The following CWC27 variants were observed in gnomAD, a reference collection of about 807,000 sequenced individuals.
CWC27 encodes spliceosome-associated protein CWC27 homolog.
CWC27 carries 47 observed loss-of-function variants against 63.6 expected under a neutral mutation model. The ratio of observed to expected loss-of-function variants is 0.74; its 90% CI spans 0.58 to 0.94. CWC27 has a LOEUF of 0.94. CWC27 is among the 40% of genes least tolerant of loss of function. The pLI is 0.00. For missense variants in CWC27, 495 were observed against 554.3 expected (o/e 0.89, Z 1.07); for synonymous variants, 175 against 179.8 (o/e 0.97, Z 0.22).
chr5:64,916,638 C>T (rs1221521540), intron 11 of CWC27, among the ~76,000 whole-genome samples: 1 of 152,078 alleles, frequency 6.6e-6, no homozygotes, highest in Admixed American at 6.6e-5. Context: ...ACACCCAGCT[C>T]CCCAGAGACA....
intron 10 of CWC27, among the ~76,000 whole-genome samples, chr5:64,847,468 T>C (rs1371850102): frequency 1.3e-5 from 2 of 152,144 alleles, no homozygotes; most frequent in Non-Finnish European, 2.9e-5. Context: ...CTTTCAAAAA[T>C]GGACAGATTA....
chr5:64,884,867 C>T (rs1254755852), intron 10 of CWC27, among the ~76,000 whole-genome samples: 5 of 151,108 alleles, frequency 3.3e-5, no homozygotes, highest in Non-Finnish European at 7.4e-5. Flanking sequence ...ATCATCAGAC[C>T]TCACCCTGGT....
chr5:64,830,136 A>G (rs1258581981), intron 10 of CWC27, among the ~76,000 whole-genome samples: 1 of 149,144 alleles, frequency 6.7e-6, no homozygotes, highest in Non-Finnish European at 1.5e-5. Flanking sequence ...TTAACTCGTC[A>G]TTTACATTAG....
intron 11 of CWC27, among the ~76,000 whole-genome samples, chr5:64,937,860 T>C (rs2112410381): frequency 6.6e-6 from 1 of 152,182 alleles, no homozygotes. Context: ...CCCTTCTTTG[T>C]CTTTTTTGAT....
chr5:64,953,740 C>G (rs1240912819), intron 11 of CWC27, among the ~76,000 whole-genome samples: 2 of 152,030 alleles, frequency 1.3e-5, no homozygotes, highest in Non-Finnish European at 2.9e-5. Context: ...ATACAGAGTT[C>G]AGGGACTTTT....
intron 11 of CWC27, among the ~76,000 whole-genome samples, chr5:64,892,552 G>GT (rs1254576318): frequency 5.3e-5 from 8 of 151,952 alleles, no homozygotes; most frequent in Non-Finnish European, 1.2e-4. Flanking sequence ...AAACACACGT[G>GT]TTTTTTTCCC....
chr5:64,971,603 C>T lies in CWC27; in HGVS notation c.1043-100C>T, dbSNP rs1049683478. 17 of 867,288 alleles carry T rather than the reference C, an allele frequency of 2.0e-5. No homozygotes were observed. The African/African-American group carries it at 2.1e-4, about 11-fold the overall frequency. 53.7% of individuals were successfully genotyped at this position (867,288 alleles called of 1,614,324 possible). A position where few individuals can be genotyped will look rare whatever the true frequency, so the allele number is the denominator to read the frequency against. The stretch of plus-strand genomic sequence containing the variant: ...AAATTAAATGGTGAAAAAGCAAGCC[C>T]AAGTGCCAACCTCCTCTTCAGCAAC... On this transcript the variant is annotated intron_variant, in intron 11 of 13. Coordinates refer to ENST00000381070, the MANE Select transcript of CWC27 (RefSeq NM_005869.4).
At chr5:64,827,656 T>C (rs1417803528) in intron 10 of CWC27, among the ~76,000 whole-genome samples, 1 of 152,146 alleles carries the variant, frequency 6.6e-6, no homozygotes, top group Non-Finnish European at 1.5e-5. Context: ...TATGAATTAG[T>C]AGGCATTTAA....
chr5:64,807,841 C>A lies in CWC27; in HGVS notation c.938+3455C>A, dbSNP rs961744419. On this transcript the variant is annotated intron_variant, in intron 10 of 13. Coordinates refer to ENST00000381070, the MANE Select transcript of CWC27 (RefSeq NM_005869.4). ...TCTTCAACCCGTATTTCTTTCTCTTCCCCGCTTCGAGAGTAAAAACTAACA... is the reference window on the plus strand; with the variant it reads ...TCTTCAACCCGTATTTCTTTCTCTTACCCGCTTCGAGAGTAAAAACTAACA... The A allele has an allele frequency of 3.3e-6, 5 of 1,526,004 alleles. No homozygotes were observed. In the African/African-American group the frequency reaches 5.5e-5, roughly 17 times the overall value. 94.5% of individuals were successfully genotyped at this position (1,526,004 alleles called of 1,614,324 possible).
intron 10 of CWC27, among the ~76,000 whole-genome samples, chr5:64,837,860 A>G (rs1745697286): frequency 2.0e-5 from 3 of 152,166 alleles, no homozygotes; most frequent in African/African-American, 7.2e-5. Flanking sequence ...AACTTTTCAT[A>G]GTATTTCCTT....
At chr5:64,939,638 G>T (rs545095170) in intron 11 of CWC27, among the ~76,000 whole-genome samples, 1 of 152,366 alleles carries the variant, frequency 6.6e-6, no homozygotes, top group East Asian at 1.9e-4. Flanking sequence ...AGCAGAGCTC[G>T]AGTGCTGTGC....
chr5:64,779,226 T>C lies in CWC27; in HGVS notation c.140-2695T>C, dbSNP rs10074144. On this transcript the variant is annotated intron_variant, in intron 2 of 13. Coordinates refer to ENST00000381070, the MANE Select transcript of CWC27 (RefSeq NM_005869.4). ...TATGTCAAGAAATCTGGTGAAATCT[T>C]TAGGGAAGCTCAGTGAAATCTTTAG... is the stretch of plus-strand genomic sequence containing the variant. Among the ~76,000 whole-genome samples the C allele has an allele frequency of 9.9e-3, 1,508 of 152,272 alleles. 34 individuals are homozygous for C. Among genetic ancestry groups the C allele is most frequent in the African/African-American group, 0.035 (1,452 of 41,542 alleles).
At chr5:64,787,134 C>G (rs1486837193) in intron 6 of CWC27, among the ~76,000 whole-genome samples, 1 of 152,156 alleles carries the variant, frequency 6.6e-6, no homozygotes, top group African/African-American at 2.4e-5. Flanking sequence ...TCACCTCCCA[C>G]TAGGGTCCCT....
At position 64,803,977 on chromosome 5, in the gene CWC27, G is replaced by A. The variant is rs1580619527; in HGVS notation, c.781-252G>A. On this transcript the variant is annotated intron_variant, in intron 9 of 13. Transcript: ENST00000381070. ...AGGGAGAAGTCTGCTGCACAAAGGA[G>A]CTGGGCATGAGTTGAGCGAACAGCC... is the stretch of plus-strand genomic sequence containing the variant. Among the ~76,000 whole-genome samples, 2 of 152,074 alleles carry A rather than the reference G, an allele frequency of 1.3e-5. 1 individual carries two copies. Among genetic ancestry groups the A allele is most frequent in the East Asian group, 3.9e-4 (2 of 5,184 alleles).
chr5:65,012,582 T>C (rs1345511002), intron 13 of CWC27, among the ~76,000 whole-genome samples: 2 of 152,248 alleles, frequency 1.3e-5, no homozygotes, highest in African/African-American at 2.4e-5. Flanking sequence ...TGTCCAGCGT[T>C]GGCAGCATGC....
chr5:64,977,104 A>G (rs1467447521), intron 12 of CWC27, 31 bp from the exon 13 acceptor site: 1 of 1,281,308 alleles, frequency 7.8e-7, no homozygotes, highest in Non-Finnish European at 1.1e-6. Flanking sequence ...TATCTTTATC[A>G]GAAAACTTAG....
chr5:64,901,374 C>T (rs1015433465), intron 11 of CWC27, among the ~76,000 whole-genome samples: 3 of 150,376 alleles, frequency 2.0e-5, no homozygotes, highest in Admixed American at 6.7e-5. Flanking sequence ...GGCAGAATGG[C>T]GTGAACCCGG....
chr5:64,769,158 C>T lies in CWC27; in HGVS notation c.12C>T (p.Ile4=), dbSNP rs777909747. Residue 4 remains isoleucine (I), a synonymous_variant, in exon 1 of 14, where the codon ATC becomes ATT. Transcript: ENST00000381070. MSN[I]YIQEPPTNGK... ...TTGTACTGACCAAGATGAGCAACAT[C>T]TACATCCAGGAGCCTCCCACGAATG... 1.2e-6 allele frequency: 2 copies of T among 1,614,100 alleles called. No individual in the cohort carries two copies. Among genetic ancestry groups the T allele is most frequent in the Non-Finnish European group, 8.5e-7 (1 of 1,180,000 alleles).
At chr5:64,913,724 T>G (rs1226858841) in intron 11 of CWC27, among the ~76,000 whole-genome samples, 1 of 152,050 alleles carries the variant, frequency 6.6e-6, no homozygotes, top group Non-Finnish European at 1.5e-5. Flanking sequence ...TGGAGGGACA[T>G]ATCATGTTTA....
Sources: gnomAD v4.1 joint callset for allele counts (sites outside exome capture counted in the v4.1 genomes callset) on GRCh38, gnomAD v4.1.1 for gene constraint, MANE v1.5 for transcripts, NCBI Gene and HGNC (gene_info 2026-07-23, HGNC 2026-07-21) for gene names.